Variants in SLC25A13 observed in about 807,000 individuals in gnomAD.
SLC25A13 encodes the protein electrogenic aspartate/glutamate antiporter SLC25A13, mitochondrial.
SLC25A13 carries 70 observed loss-of-function variants against 85.5 expected under a neutral mutation model. That is an observed-to-expected ratio of 0.82 (90% confidence interval 0.68 to 1.00). SLC25A13 has a LOEUF of 1.00. Among genes scored for constraint, SLC25A13 ranks in the 50% least tolerant of loss-of-function variants. SLC25A13 has a pLI of 0.00. For synonymous variants in SLC25A13, 259 were observed against 288.7 expected, an observed-to-expected ratio of 0.90 and a Z score of 1.04; for missense variants, 765 against 819.8, an observed-to-expected ratio of 0.93 and a Z score of 0.82.
chr7:96,161,357 A>G (rs1325658982), intron 13 of SLC25A13, among the ~76,000 whole-genome samples: 1 of 152,090 alleles, frequency 6.6e-6, no homozygotes, highest in African/African-American at 2.4e-5. Context: ...CTACTCTCCC[A>G]CTAATTTTTG....
chr7:96,237,312 A>T (rs1330285581), intron 3 of SLC25A13, among the ~76,000 whole-genome samples: 1 of 152,164 alleles, frequency 6.6e-6, no homozygotes, highest in Non-Finnish European at 1.5e-5. Flanking sequence ...GAGAGGAGGG[A>T]AGGGTAGAGA....
At chr7:96,273,366 G>A (rs1798319087) in intron 3 of SLC25A13, among the ~76,000 whole-genome samples, 1 of 152,208 alleles carries the variant, frequency 6.6e-6, no homozygotes, top group Admixed American at 6.6e-5. Context: ...TTTGAGGTTG[G>A]GAAGGGAGGT....
intron 11 of SLC25A13, among the ~76,000 whole-genome samples, chr7:96,177,848 T>C (rs1794284150): frequency 6.6e-6 from 1 of 152,208 alleles, no homozygotes; most frequent in Non-Finnish European, 1.5e-5. Context: ...GGCCTGCCAG[T>C]ACTCTCAAAT....
chr7:96,262,687 CT>C (rs1382133322), intron 3 of SLC25A13, among the ~76,000 whole-genome samples: 1 of 152,160 alleles, frequency 6.6e-6, no homozygotes, highest in Non-Finnish European at 1.5e-5. Flanking sequence ...ATCAGAACTT[CT>C]AAGCAAAGAC....
At chr7:96,182,674 T>A (rs981352134) in intron 11 of SLC25A13, among the ~76,000 whole-genome samples, 1 of 152,102 alleles carries the variant, frequency 6.6e-6, no homozygotes, top group Non-Finnish European at 1.5e-5. Context: ...TTGCCAACAG[T>A]ACAGGTTGCA....
At chr7:96,299,520 A>G (rs1273628838) in intron 1 of SLC25A13, among the ~76,000 whole-genome samples, 10 of 152,260 alleles carry the variant, frequency 6.6e-5, no homozygotes, top group Non-Finnish European at 1.5e-4. Context: ...CCAAAAAGTC[A>G]GATTAAGTGC....
chr7:96,200,619 C>T (rs1275614859), intron 5 of SLC25A13, among the ~76,000 whole-genome samples: 1 of 152,020 alleles, frequency 6.6e-6, no homozygotes, highest in Non-Finnish European at 1.5e-5. Context: ...TGGGTGAGGC[C>T]TTTAATTAAA....
At chr7:96,153,855 C>A (rs1165032684) in intron 13 of SLC25A13, among the ~76,000 whole-genome samples, 1 of 151,970 alleles carries the variant, frequency 6.6e-6, no homozygotes, top group Non-Finnish European at 1.5e-5. Context: ...TATTTTTATT[C>A]TTTTACAAGT....
At position 96,170,085 on chromosome 7, in the gene SLC25A13, C is replaced by G; in HGVS notation, c.1271G>C (p.Gly424Ala). Residue 424 changes from glycine (G) to alanine (A), a missense_variant, in exon 13 of 18, where the codon GGT (glycine) becomes GCT (alanine). Gly to Ala is a moderately conservative substitution (Grantham distance 60). Coordinates refer to ENST00000265631, the MANE Select transcript of SLC25A13 (RefSeq NM_014251.3). ...FVRDKFMHKD[G>A]SVPLAAEILA... Reference sequence around the variant, plus strand: ...AATTTCTGCTGCAAGTGGGACCGAACCATCTTTGTGCATAAATTTATCCCT... The same window carrying G: ...AATTTCTGCTGCAAGTGGGACCGAAGCATCTTTGTGCATAAATTTATCCCT... 6.2e-7 allele frequency: 1 copy of G among 1,614,178 alleles called. No homozygotes were observed. The highest frequency in any genetic ancestry group is 2.2e-5 in the East Asian group (1 of 44,892).
chr7:96,248,918 T>TTTAAGAATAAA, intron 3 of SLC25A13, among the ~76,000 whole-genome samples: 1 of 152,322 alleles, frequency 6.6e-6, no homozygotes, highest in Non-Finnish European at 1.5e-5. Context: ...CAAATAAAAT[T>TTTAAGAATAAA]TTAAGAAATT....
chr7:96,236,283 T>C (rs1796738226), intron 3 of SLC25A13, among the ~76,000 whole-genome samples: 1 of 151,970 alleles, frequency 6.6e-6, no homozygotes, highest in Non-Finnish European at 1.5e-5. Context: ...CAAGGACATT[T>C]TATCCTCTAC....
intron 13 of SLC25A13, among the ~76,000 whole-genome samples, chr7:96,163,702 C>A (rs1396161197): frequency 6.6e-6 from 1 of 152,082 alleles, no homozygotes; most frequent in Non-Finnish European, 1.5e-5. Context: ...AATAAAGATG[C>A]TATGTTACCC....
In SLC25A13 at chr7:96,267,046, T is replaced by C. The variant is rs1380721605; in HGVS notation, c.212+10150A>G. Among the ~76,000 whole-genome samples, 6 of 152,240 alleles carry C rather than the reference T, an allele frequency of 3.9e-5. No homozygotes were observed. The East Asian group carries it at 9.6e-4, about 24-fold the overall frequency. ...TATCTGAAATCTATGTCTACCCTAA[T>C]AGTATAGAAAACTTTCCTCATTAGC... On this transcript the variant is annotated intron_variant, in intron 3 of 17. Transcript: ENST00000265631.
At chr7:96,181,269 A>C (rs1794410043) in intron 11 of SLC25A13, among the ~76,000 whole-genome samples, 1 of 152,226 alleles carries the variant, frequency 6.6e-6, no homozygotes, top group South Asian at 2.1e-4. Flanking sequence ...GGAGAGCAGG[A>C]ATTAACCAAC....
intron 4 of SLC25A13, among the ~76,000 whole-genome samples, chr7:96,228,097 C>T (rs1796386451): frequency 6.6e-6 from 1 of 152,194 alleles, no homozygotes; most frequent in African/African-American, 2.4e-5. Flanking sequence ...CTCCTGACCT[C>T]AGGTGATCCA....
intron 2 of SLC25A13, among the ~76,000 whole-genome samples, chr7:96,278,171 G>A (rs1006807367): frequency 1.3e-4 from 20 of 152,280 alleles, no homozygotes; most frequent in African/African-American, 4.1e-4. Context: ...GCTGAGAAAC[G>A]ACATGGGATC....
At chr7:96,257,494 A>G (rs1797684671) in intron 3 of SLC25A13, among the ~76,000 whole-genome samples, 1 of 152,218 alleles carries the variant, frequency 6.6e-6, no homozygotes, top group African/African-American at 2.4e-5. Flanking sequence ...GGACACATAC[A>G]TCCTCCCAAG....
chr7:96,236,820 GAA>G (rs1385962232), intron 3 of SLC25A13, among the ~76,000 whole-genome samples: 1 of 152,174 alleles, frequency 6.6e-6, no homozygotes, highest in Non-Finnish European at 1.5e-5. Flanking sequence ...GGACAGCAGA[GAA>G]GAAAACCATT....
intron 14 of SLC25A13, among the ~76,000 whole-genome samples, chr7:96,142,510 T>G (rs1208810286): frequency 6.6e-6 from 1 of 152,228 alleles, no homozygotes; most frequent in Non-Finnish European, 1.5e-5. Context: ...CTCCTGTTAA[T>G]GGTAACCTAG....
Sources: allele counts gnomAD v4.1 joint callset (sites outside exome capture counted in the v4.1 genomes callset), GRCh38; gene constraint gnomAD v4.1.1; transcripts MANE v1.5; gene names NCBI Gene and HGNC (gene_info 2026-07-23, HGNC 2026-07-21).